Variants in WDPCP observed in about 807,000 individuals in gnomAD.
WDPCP encodes the protein WD repeat-containing and planar cell polarity effector protein fritz homolog.
WDPCP carries 71 observed loss-of-function variants against 93.1 expected under a neutral mutation model. The ratio of observed to expected loss-of-function variants is 0.76; its 90% CI spans 0.63 to 0.93. WDPCP has a LOEUF of 0.93. Among genes scored for constraint, WDPCP ranks in the 40% least tolerant of loss-of-function variants. The pLI, the probability that WDPCP is intolerant of heterozygous loss-of-function variation, is 0.00. For synonymous variants in WDPCP, 315 were observed against 315.0 expected (o/e 1.00, Z 0.00); for missense variants, 844 against 887.4 (o/e 0.95, Z 0.62).
At chr2:63,146,806 G>A (rs1264657180) in intron 17 of WDPCP, among the ~76,000 whole-genome samples, 1 of 152,174 alleles carries the variant, frequency 6.6e-6, no homozygotes, top group African/African-American at 2.4e-5. Context: ...AAAAAAATAA[G>A]ATGGATTGAT....
chr2:63,804,892 G>A (rs1031306207), intron 2 of WDPCP, among the ~76,000 whole-genome samples: 14 of 151,958 alleles, frequency 9.2e-5, no homozygotes, highest in African/African-American at 2.9e-4. Flanking sequence ...GCCTGGCTTG[G>A]TGGTGGGTGC....
At chr2:63,149,168 G>A (rs1172309869) in intron 17 of WDPCP, among the ~76,000 whole-genome samples, 1 of 152,056 alleles carries the variant, frequency 6.6e-6, no homozygotes, top group Non-Finnish European at 1.5e-5. Context: ...ACAAATCAGT[G>A]AGAAAAAGGC....
intron 14 of WDPCP, among the ~76,000 whole-genome samples, chr2:63,230,293 C>T (rs911432100): frequency 3.9e-5 from 6 of 152,028 alleles, no homozygotes; most frequent in Non-Finnish European, 7.4e-5. Context: ...GCATAGTATT[C>T]CATGGTGTAT....
chr2:63,353,460 T>C (rs1394818853), intron 12 of WDPCP, among the ~76,000 whole-genome samples: 1 of 152,102 alleles, frequency 6.6e-6, no homozygotes, highest in Non-Finnish European at 1.5e-5. Flanking sequence ...GGTAGTAGCA[T>C]TGCACCTCCC....
intron 14 of WDPCP, among the ~76,000 whole-genome samples, chr2:63,222,385 A>C (rs997623521): frequency 1.3e-5 from 2 of 152,154 alleles, no homozygotes; most frequent in African/African-American, 4.8e-5. Context: ...ACCTTTAAAA[A>C]ACAAGACACT....
chr2:63,414,371 T>G (rs1695244175), intron 9 of WDPCP, among the ~76,000 whole-genome samples: 1 of 152,082 alleles, frequency 6.6e-6, no homozygotes, highest in South Asian at 2.1e-4. Flanking sequence ...AGAAGATACT[T>G]GCATAGCACA....
intron 12 of WDPCP, among the ~76,000 whole-genome samples, chr2:63,338,685 C>G (rs1688631902): frequency 6.9e-6 from 1 of 144,954 alleles, no homozygotes; most frequent in Non-Finnish European, 1.5e-5. Context: ...AATGACTTGT[C>G]TATAAAAGTG....
In WDPCP at chr2:63,628,814, C is replaced by T. The variant is rs532628877; in HGVS notation, n.488+21845G>A. Among the ~76,000 whole-genome samples the T allele has an allele frequency of 6.6e-5, 10 of 152,274 alleles. 1 individual carries two copies. The East Asian group carries it at 1.5e-3, about 24-fold the overall frequency. On this transcript the variant is annotated intron_variant and non_coding_transcript_variant, in intron 3 of 4. Coordinates refer to the WDPCP transcript ENST00000467687. ...GCAACTGGCTTAGCAACCAATTGAC[C>T]TAATGCCTGCAAAGTGCCTCCTAAG...
intron 14 of WDPCP, among the ~76,000 whole-genome samples, chr2:63,215,425 C>T (rs1677236377): frequency 6.6e-6 from 1 of 152,208 alleles, no homozygotes; most frequent in South Asian, 2.1e-4. Context: ...ACCATCTGAT[C>T]TTTGACAAAC....
intron 12 of WDPCP, among the ~76,000 whole-genome samples, chr2:63,362,769 A>T (rs1273200054): frequency 6.6e-6 from 1 of 152,086 alleles, no homozygotes; most frequent in African/African-American, 2.4e-5. Context: ...GGGTCAAGTG[A>T]TCCTCCTACT....
rs560331205 is a variant in WDPCP at position 63,307,671 on chromosome 2, T to C, written c.1812+5577A>G. Among the ~76,000 whole-genome samples, 5 of 152,094 alleles carry C rather than the reference T, an allele frequency of 3.3e-5. No homozygotes were observed. The East Asian group carries it at 9.6e-4, about 29-fold the overall frequency. On this transcript the variant is annotated intron_variant, in intron 13 of 17. Transcript: ENST00000272321. ...TTTTTAATAAATGGTGTTGGGAAAA[T>C]TGGCTAGCTATGTGCAGAAAACTGA... is the stretch of plus-strand genomic sequence containing the variant.
At chr2:63,601,666 C>T (rs569734243) in intron 3 of WDPCP, among the ~76,000 whole-genome samples, 1 of 152,012 alleles carries the variant, frequency 6.6e-6, no homozygotes. Flanking sequence ...TGGATTAGCT[C>T]AAGAGATAGA....
At position 63,735,015 on chromosome 2, in the gene WDPCP, A is replaced by G. The variant is rs574689507; in HGVS notation, n.308+78607T>C. 9.2e-5 allele frequency among the ~76,000 whole-genome samples: 14 copies of G among 152,350 alleles called. No individual in the cohort carries two copies. In the East Asian group the frequency reaches 1.3e-3, roughly 15 times the overall value. On this transcript the variant is annotated intron_variant and non_coding_transcript_variant, in intron 2 of 4. Transcript: ENST00000467687. ...TTGGGTAAGTTCAGATTTCCATGGT[A>G]ACTCTGATATCATTTATTCATTAAG... is the stretch of plus-strand genomic sequence containing the variant.
intron 17 of WDPCP, among the ~76,000 whole-genome samples, chr2:63,137,090 G>C (rs72813411): frequency 0.16 from 24,342 of 152,058 alleles, 2,585 homozygotes; most frequent in Admixed American, 0.22. Context: ...GGGATTGCTG[G>C]GTCAAATGGC....
At chr2:63,211,451 C>A (rs1676793543) in intron 14 of WDPCP, among the ~76,000 whole-genome samples, 3 of 152,104 alleles carry the variant, frequency 2.0e-5, no homozygotes, top group Non-Finnish European at 4.4e-5. Context: ...ACACCAAAAC[C>A]CCATTTGTAC....
At chr2:63,718,279 G>A (rs1462115927) in intron 2 of WDPCP, among the ~76,000 whole-genome samples, 3 of 152,108 alleles carry the variant, frequency 2.0e-5, no homozygotes, top group African/African-American at 4.8e-5. Context: ...AGCCAGTAGT[G>A]AGATTGCTGG....
chr2:63,170,516 G>A (rs550071720), intron 15 of WDPCP, among the ~76,000 whole-genome samples: 2 of 151,846 alleles, frequency 1.3e-5, no homozygotes, highest in African/African-American at 2.4e-5. Context: ...CAGGTGATCC[G>A]CCTCAGCCTC....
At chr2:63,249,459 T>C (rs1680543196) in intron 14 of WDPCP, among the ~76,000 whole-genome samples, 1 of 149,508 alleles carries the variant, frequency 6.7e-6, no homozygotes, top group African/African-American at 2.4e-5. Flanking sequence ...ACAATGCCTG[T>C]AGCATAGATA....
chr2:63,798,852 C>A (rs1246123926), intron 2 of WDPCP, among the ~76,000 whole-genome samples: 1 of 152,098 alleles, frequency 6.6e-6, no homozygotes, highest in African/African-American at 2.4e-5. Context: ...TAAAATGACA[C>A]ACAGAGGCTG....
Sources: gnomAD v4.1 joint callset for allele counts (sites outside exome capture counted in the v4.1 genomes callset) on GRCh38, gnomAD v4.1.1 for gene constraint, MANE v1.5 for transcripts, NCBI Gene and HGNC (gene_info 2026-07-23, HGNC 2026-07-21) for gene names.